Variants in ROR1 observed in about 807,000 individuals in gnomAD.
The protein encoded by ROR1 is inactive tyrosine-protein kinase transmembrane receptor ROR1.
A neutral mutation model predicts 78.8 loss-of-function variants in ROR1; 19 were observed. That is an observed-to-expected ratio of 0.24 (90% confidence interval 0.17 to 0.35). ROR1 has a LOEUF of 0.35. Ranked by LOEUF, ROR1 falls within the 10% of genes least tolerant of loss-of-function variation. The pLI is 1.00. For synonymous variants in ROR1, 386 were observed against 433.6 expected (o/e 0.89, Z 1.36); for missense variants, 917 against 1,177.8 (o/e 0.78, Z 3.24).
chr1:63,796,998 G>C (rs991138391), intron 1 of ROR1, among the ~76,000 whole-genome samples: 2 of 152,116 alleles, frequency 1.3e-5, no homozygotes, highest in African/African-American at 4.8e-5. Flanking sequence ...GTGATTTTTT[G>C]ATGTTCTATA....
chr1:64,132,737 G>A (rs779599953), intron 4 of ROR1, among the ~76,000 whole-genome samples: 4 of 123,666 alleles, frequency 3.2e-5, no homozygotes, highest in Admixed American at 1.1e-4. Flanking sequence ...TCCAGCCTGC[G>A]CAATGGGAGC....
At chr1:64,098,335 T>C (rs1032030979) in intron 4 of ROR1, among the ~76,000 whole-genome samples, 9 of 152,218 alleles carry the variant, frequency 5.9e-5, no homozygotes, top group African/African-American at 2.2e-4. Flanking sequence ...GCCCGGGCTG[T>C]GCAGTTCAGG....
rs536389503 is a variant in ROR1 at position 64,110,898 on chromosome 1, C to T, written c.483-26471C>T. On this transcript the variant is annotated intron_variant, in intron 4 of 8. Transcript: ENST00000371079. The stretch of plus-strand genomic sequence containing the variant: ...ACTTTCATACCATATATTTGTGAGC[C>T]CAGGTAATTTCTGAATTTCTGATCC... The T allele has an allele frequency of 2.6e-5, 4 of 151,910 alleles. No individual in the cohort carries two copies. The East Asian group carries it at 7.8e-4, about 29-fold the overall frequency. 9.4% of individuals were successfully genotyped at this position (151,910 alleles called of 1,614,324 possible). A position where few individuals can be genotyped will look rare whatever the true frequency, so the allele number is the denominator to read the frequency against.
intron 4 of ROR1, among the ~76,000 whole-genome samples, chr1:64,081,987 C>A (rs1300407607): frequency 6.6e-6 from 1 of 152,058 alleles, no homozygotes; most frequent in African/African-American, 2.4e-5. Flanking sequence ...ATTCTTTTCC[C>A]TTTAAAAGCA....
intron 4 of ROR1, among the ~76,000 whole-genome samples, chr1:64,086,588 T>A (rs1209237608): frequency 3.9e-5 from 6 of 152,192 alleles, no homozygotes; most frequent in African/African-American, 1.4e-4. Context: ...TATTTTGCTG[T>A]TGAGTATTGC....
At chr1:64,021,370 TAC>T (rs1399581918) in intron 2 of ROR1, among the ~76,000 whole-genome samples, 1 of 152,172 alleles carries the variant, frequency 6.6e-6, no homozygotes, top group Non-Finnish European at 1.5e-5. Flanking sequence ...ATTTATGGAG[TAC>T]CAGTCATGTG....
chr1:63,932,791 G>A (rs562200174), intron 1 of ROR1, among the ~76,000 whole-genome samples: 1 of 152,310 alleles, frequency 6.6e-6, no homozygotes, highest in South Asian at 2.1e-4. Context: ...TCTTGCTGTA[G>A]AGGAGAGGCA....
intron 2 of ROR1, among the ~76,000 whole-genome samples, chr1:64,015,167 G>A (rs934098562): frequency 4.6e-5 from 7 of 151,918 alleles, no homozygotes; most frequent in Non-Finnish European, 7.4e-5. Context: ...TCACTATCAC[G>A]TGAACAACAC....
At chr1:63,847,588 A>C (rs1253043437) in intron 1 of ROR1, among the ~76,000 whole-genome samples, 9 of 152,170 alleles carry the variant, frequency 5.9e-5, no homozygotes. Context: ...CTGGCAGCGC[A>C]ACAAAGGACT....
At position 64,159,084 on chromosome 1, in the gene ROR1, C is replaced by T. The variant is rs149862457; in HGVS notation, c.1278C>T (p.Cys426=). The change falls in exon 8 of 9, where the codon TGC becomes TGT. Residue 426 remains cysteine, a synonymous_variant. Transcript: ENST00000371079. ...LAIALLFFFI[C]VCRNNQKSSS... is the part of the protein sequence containing the mutation. ...TTGCTTTACTCTTCTTCTTCATTTG[C>T]GTCTGTCGGAATAACCAGAAGTCAT... 9.9e-6 allele frequency: 16 copies of T among 1,614,066 alleles called. No homozygotes were observed. The highest frequency in any genetic ancestry group is 4.5e-5 in the East Asian group (2 of 44,878).
intron 1 of ROR1, among the ~76,000 whole-genome samples, chr1:63,795,238 C>T (rs932318823): frequency 3.3e-5 from 5 of 152,128 alleles, no homozygotes; most frequent in Admixed American, 1.3e-4. Flanking sequence ...GGAGCTATGC[C>T]GGAGGTTCCC....
intron 4 of ROR1, among the ~76,000 whole-genome samples, chr1:64,071,823 A>T (rs1037925842): frequency 6.6e-6 from 1 of 152,190 alleles, no homozygotes; most frequent in Non-Finnish European, 1.5e-5. Flanking sequence ...ATGATGGAGA[A>T]GCAGGGTTCT....
At chr1:63,903,258 TC>T (rs1022418384) in intron 1 of ROR1, among the ~76,000 whole-genome samples, 22 of 152,184 alleles carry the variant, frequency 1.4e-4, no homozygotes, top group African/African-American at 4.1e-4. Context: ...GAATGCACCC[TC>T]CCTGCCTTTT....
chr1:64,136,296 C>T (rs1048939927), intron 4 of ROR1, among the ~76,000 whole-genome samples: 8 of 151,458 alleles, frequency 5.3e-5, no homozygotes, highest in East Asian at 1.9e-4. Context: ...GAATTTTGTT[C>T]TCCTGACTTT....
chr1:64,025,819 A>T (rs539047139), intron 2 of ROR1, among the ~76,000 whole-genome samples: 3 of 152,292 alleles, frequency 2.0e-5, no homozygotes, highest in Admixed American at 6.5e-5. Context: ...AGCTATGAGA[A>T]TGCAAAGGCA....
intron 1 of ROR1, among the ~76,000 whole-genome samples, chr1:63,814,972 G>A (rs374155703): frequency 7.6e-4 from 116 of 152,306 alleles, no homozygotes; most frequent in African/African-American, 2.7e-3. Context: ...CTAGGAGTTT[G>A]AATCTGCTTT....
chr1:63,845,674 T>C (rs939530960), intron 1 of ROR1, among the ~76,000 whole-genome samples: 4 of 152,234 alleles, frequency 2.6e-5, no homozygotes, highest in Non-Finnish European at 5.9e-5. Flanking sequence ...TTGATTTCTG[T>C]TTGTCTCTCT....
intron 1 of ROR1, among the ~76,000 whole-genome samples, chr1:63,802,055 G>A (rs1389743603): frequency 6.6e-6 from 1 of 152,180 alleles, no homozygotes; most frequent in Admixed American, 6.5e-5. Flanking sequence ...ATTTGGTTGG[G>A]GGAGGGGAGG....
chr1:64,075,885 C>G (rs1378307736), intron 4 of ROR1, among the ~76,000 whole-genome samples: 1 of 152,090 alleles, frequency 6.6e-6, no homozygotes, highest in Non-Finnish European at 1.5e-5. Flanking sequence ...TGAATGACAC[C>G]CAAGTCAGGA....
Sources: allele counts gnomAD v4.1 joint callset (sites outside exome capture counted in the v4.1 genomes callset), GRCh38; gene constraint gnomAD v4.1.1; transcripts MANE v1.5; gene names NCBI Gene and HGNC (gene_info 2026-07-23, HGNC 2026-07-21).